The following PCDHGA5 variants were observed in gnomAD, a reference collection of about 807,000 sequenced individuals.
PCDHGA5 encodes the protein protocadherin gamma-A5.
In PCDHGA5, 36 loss-of-function variants were observed where a neutral mutation model predicts 56.7. The observed-to-expected ratio is 0.64, with a 90% CI of 0.49 to 0.84. The LOEUF is 0.84. PCDHGA5 is among the 40% of genes least tolerant of loss of function. The pLI, the probability that PCDHGA5 is intolerant of heterozygous loss-of-function variation, is 0.00. For missense variants in PCDHGA5, 1,305 were observed against 1,201.5 expected (o/e 1.09, Z -1.27); for synonymous variants, 563 against 520.2 (o/e 1.08, Z -1.12).
chr5:141,458,674 A>G (rs1315462699), intron 1 of PCDHGA5, among the ~76,000 whole-genome samples: 1 of 152,104 alleles, frequency 6.6e-6, no homozygotes, highest in East Asian at 1.9e-4. Flanking sequence ...GGTTCAAGCA[A>G]TTCTACTGCC....
chr5:141,399,865 C>T, intron 1 of PCDHGA5: 1 of 1,612,866 alleles, frequency 6.2e-7, no homozygotes, highest in African/African-American at 1.3e-5. Flanking sequence ...CGCTGCAGAG[C>T]CCGGCTACCT....
At position 141,444,152 on chromosome 5, in the gene PCDHGA5, A is replaced by ATT. The variant is rs747671382; in HGVS notation, c.2422-50620_2422-50619dup. ...GATATGTGTCACTTGTGTGTACTGG[A>ATT]TTTTTTTTTTTTTTTTTTTTTTTTT... On this transcript the variant is annotated intron_variant, in intron 1 of 3. Coordinates refer to ENST00000518069, the MANE Select transcript of PCDHGA5 (RefSeq NM_018918.3). Among the ~76,000 whole-genome samples, 286 of 33,894 alleles carry ATT rather than the reference A, an allele frequency of 8.4e-3. 107 individuals carry two copies. The highest frequency in any genetic ancestry group is 0.011 in the African/African-American group (76 of 7,180). The allele number at this position is 33,894 out of a possible 152,430, so 22.2% of individuals were successfully genotyped here. A position where few individuals can be genotyped will look rare whatever the true frequency, so the allele number is the denominator to read the frequency against.
At chr5:141,479,930 T>C (rs1355410974) in intron 1 of PCDHGA5, among the ~76,000 whole-genome samples, 15 of 152,218 alleles carry the variant, frequency 9.9e-5, no homozygotes, top group Non-Finnish European at 1.9e-4. Context: ...CAGTGCATCA[T>C]TGCTATCAAC....
rs1036126623 is a variant in PCDHGA5 at position 141,410,753 on chromosome 5, T to C, written c.2421+44002T>C. The stretch of plus-strand genomic sequence containing the variant: ...AGCTTTTTACAATATTTTCTCAATG[T>C]TTTTTCAATTATAGTTTTCACTATG... On this transcript the variant is annotated intron_variant, in intron 1 of 3. Coordinates refer to ENST00000518069, the MANE Select transcript of PCDHGA5 (RefSeq NM_018918.3). 2.4e-6 allele frequency: 3 copies of C among 1,229,812 alleles called. No homozygotes were observed. In the Admixed American group the frequency reaches 8.8e-5, roughly 36 times the overall value. The allele number at this position is 1,229,812 out of a possible 1,614,324, so 76.2% of individuals were successfully genotyped here. A position where few individuals can be genotyped will look rare whatever the true frequency, so the allele number is the denominator to read the frequency against.
At chr5:141,478,584 T>G in intron 1 of PCDHGA5, 1 of 1,577,982 alleles carries the variant, frequency 6.3e-7, no homozygotes, top group Non-Finnish European at 8.6e-7. Flanking sequence ...CTGTTAGTGC[T>G]TTTTTATTCC....
chr5:141,459,285 A>G (rs1316912878), intron 1 of PCDHGA5, among the ~76,000 whole-genome samples: 1 of 152,202 alleles, frequency 6.6e-6, no homozygotes, highest in Non-Finnish European at 1.5e-5. Context: ...TTTCATCTAA[A>G]TGGAATCCTA....
At chr5:141,406,116 AG>A (rs982166274) in intron 1 of PCDHGA5, among the ~76,000 whole-genome samples, 4 of 147,788 alleles carry the variant, frequency 2.7e-5, no homozygotes, top group African/African-American at 1.0e-4. Context: ...TCTGTTGTCC[AG>A]GGTGGAATGC....
chr5:141,505,589 C>T, intron 3 of PCDHGA5, 108 bp downstream of exon 3: 1 of 1,573,272 alleles, frequency 6.4e-7, no homozygotes, highest in Non-Finnish European at 8.6e-7. Context: ...GTAGTTTCTC[C>T]AGATCTTTCG....
In PCDHGA5 at chr5:141,364,974, T is replaced by C. The variant is rs755409808; in HGVS notation, c.644T>C (p.Leu215Ser). 1.9e-6 allele frequency: 3 copies of C among 1,613,888 alleles called. No individual in the cohort carries two copies. Among genetic ancestry groups the C allele is most frequent in the Admixed American group, 1.7e-5 (1 of 60,014 alleles). The change falls in exon 1 of 4, where the codon TTA (leucine) becomes TCA (serine). Residue 215 changes from leucine (L) to serine (S), a missense_variant. By Grantham distance (145) the Leu-to-Ser change is moderately radical. Coordinates refer to ENST00000518069, the MANE Select transcript of PCDHGA5 (RefSeq NM_018918.3). Reference sequence around the variant, plus strand: ...GTTCACGACCTCCTCCTCACAGCTTTAGATGGCGGAGACCCGGTACTCTCC... The same window carrying C: ...GTTCACGACCTCCTCCTCACAGCTTCAGATGGCGGAGACCCGGTACTCTCC... ...ETVHDLLLTA[L>S]DGGDPVLSGT...
At chr5:141,375,536 G>T in intron 1 of PCDHGA5, 1 of 1,613,972 alleles carries the variant, frequency 6.2e-7, no homozygotes, top group Non-Finnish European at 8.5e-7. Flanking sequence ...GGACCAGAAC[G>T]CCCAAGTCTC....
intron 1 of PCDHGA5, chr5:141,410,481 G>C: frequency 6.2e-7 from 1 of 1,613,966 alleles, no homozygotes; most frequent in Non-Finnish European, 8.5e-7. Flanking sequence ...GCACATACGG[G>C]TACAAAAGAG....
chr5:141,473,262 G>T (rs905961411), intron 1 of PCDHGA5, among the ~76,000 whole-genome samples: 2 of 152,188 alleles, frequency 1.3e-5, no homozygotes, highest in Admixed American at 6.5e-5. Flanking sequence ...AGTCCTTAGT[G>T]TATGCTATGA....
chr5:141,469,881 G>A (rs922510082), intron 1 of PCDHGA5, among the ~76,000 whole-genome samples: 11 of 152,056 alleles, frequency 7.2e-5, no homozygotes, highest in Admixed American at 3.3e-4. Context: ...CTGTAATCTC[G>A]GCACTTTGGG....
At chr5:141,478,904 T>G in intron 1 of PCDHGA5, 1 of 958,800 alleles carries the variant, frequency 1.0e-6, no homozygotes, top group Non-Finnish European at 1.5e-6. Context: ...AGGAATAAGC[T>G]GCTGGATACC....
Position 141,400,535 on chromosome 5 carries a change from T to C in PCDHGA5, c.2421+33784T>C, listed in dbSNP as rs753705723. 2.5e-6 allele frequency: 4 copies of C among 1,613,958 alleles called. No individual in the cohort carries two copies. In the South Asian group the frequency reaches 4.4e-5, roughly 18 times the overall value. ...TCCCATCCTGAGTTGGTGAGTTTCATTTATGTCTATTCTTTTTCATTACCC... is the reference window on the plus strand; with the variant it reads ...TCCCATCCTGAGTTGGTGAGTTTCACTTATGTCTATTCTTTTTCATTACCC... On this transcript the variant is annotated intron_variant, in intron 1 of 3. Transcript: ENST00000518069.
At chr5:141,399,107 G>A in intron 1 of PCDHGA5, 1 of 1,613,794 alleles carries the variant, frequency 6.2e-7, no homozygotes, top group Non-Finnish European at 8.5e-7. Flanking sequence ...GTTGCACAAT[G>A]TACAGTTGAA....
intron 1 of PCDHGA5, chr5:141,393,928 A>G: frequency 2.5e-6 from 4 of 1,614,004 alleles, no homozygotes; most frequent in South Asian, 2.2e-5. Flanking sequence ...TTGAGTGTGC[A>G]TGACCAAGAC....
chr5:141,480,225 G>A (rs1217912404), intron 1 of PCDHGA5, among the ~76,000 whole-genome samples: 1 of 147,152 alleles, frequency 6.8e-6, no homozygotes, highest in East Asian at 2.0e-4. Flanking sequence ...GCGACATAGT[G>A]AGATCCTGTC....
Position 141,486,676 on chromosome 5 carries a change from T to A in PCDHGA5, c.2422-8131T>A, listed in dbSNP as rs375080564. On this transcript the variant is annotated intron_variant, in intron 1 of 3. Coordinates refer to ENST00000518069, the MANE Select transcript of PCDHGA5 (RefSeq NM_018918.3). This position sits in a 1 kb window ranked among gnomAD's most constrained non-coding sequence, Gnocchi z 5.0. ...CACTCCTGGAGCCCAGGAATCGAGA[T>A]GTATCAGCTTCCTCTTTCATCTCTC... 3 of 1,614,002 alleles carry A rather than the reference T, an allele frequency of 1.9e-6. No homozygotes were observed. The highest frequency in any genetic ancestry group is 2.5e-6 in the Non-Finnish European group (3 of 1,180,036).
Sources: gnomAD v4.1 joint callset for allele counts (sites outside exome capture counted in the v4.1 genomes callset) on GRCh38, gnomAD v4.1.1 for gene constraint, Gnocchi (gnomAD v3.1) non-coding constraint, MANE v1.5 for transcripts, NCBI Gene and HGNC (gene_info 2026-07-23, HGNC 2026-07-21) for gene names.